The following ZNF92 variants were observed in gnomAD, a reference collection of about 807,000 sequenced individuals.
ZNF92 encodes zinc finger protein 92, also known as epididymis luminal protein 203.
ZNF92 carries 11 observed loss-of-function variants against 12.4 expected under a neutral mutation model. The observed-to-expected ratio is 0.89, with a 90% CI of 0.56 to 1.47. The LOEUF (loss-of-function observed/expected upper bound fraction) is 1.47. ZNF92 is among the 40% of genes most tolerant of loss of function. The pLI is 0.00. For synonymous variants in ZNF92, 206 were observed against 228.6 expected (o/e 0.90, Z 0.89); for missense variants, 622 against 681.0 (o/e 0.91, Z 0.96).
chr7:65,378,131 C>A (rs552887361), intron 1 of ZNF92, among the ~76,000 whole-genome samples: 4 of 151,680 alleles, frequency 2.6e-5, no homozygotes, highest in Non-Finnish European at 5.9e-5. Flanking sequence ...GTGGGCGGAT[C>A]TACTAAAAGT....
intron 1 of ZNF92, among the ~76,000 whole-genome samples, chr7:65,386,815 A>G (rs927150079): frequency 2.0e-5 from 3 of 152,138 alleles, no homozygotes; most frequent in African/African-American, 7.2e-5. Flanking sequence ...TCAGCACATT[A>G]TAAAAATTTG....
intron 1 of ZNF92, among the ~76,000 whole-genome samples, chr7:65,377,367 T>C (rs947719846): frequency 1.3e-5 from 2 of 151,826 alleles, no homozygotes; most frequent in Non-Finnish European, 2.9e-5. Context: ...ACCCCAGCCA[T>C]AGAAGAAGTC....
In ZNF92 at chr7:65,399,232, A is replaced by G; in HGVS notation, c.1118A>G (p.Glu373Gly). 1 of 1,613,402 alleles carries G rather than the reference A, an allele frequency of 6.2e-7. No individual in the cohort carries two copies. The highest frequency in any genetic ancestry group is 8.5e-7 in the Non-Finnish European group (1 of 1,179,750). Residue 373 changes from glutamate to glycine, a missense_variant, in exon 4 of 4, where the codon GAA becomes GGA. Transcript: ENST00000328747. The part of the protein sequence containing the change: ...HTGEKPYKCD[E>G]CGKAFNQSST... ...GGAGAGAAACCCTACAAATGTGATG[A>G]ATGTGGCAAAGCCTTTAACCAGTCC...
At chr7:65,394,863 C>G (rs1173882435) in intron 3 of ZNF92, among the ~76,000 whole-genome samples, 2 of 152,004 alleles carry the variant, frequency 1.3e-5, no homozygotes, top group South Asian at 4.1e-4. Flanking sequence ...CCAGACTGGT[C>G]TCAAACTCCT....
chr7:65,398,682 CAACAT>C lies in ZNF92; in HGVS notation c.571_575del (p.His191GlufsTer5). ...ATTTTGCATGCTTTCACAATTAACT[CAACAT>C]AAGAAAATTCATACTAGAGAGTATT... On this transcript the variant is annotated frameshift_variant, in exon 4 of 4. Transcript: ENST00000328747. LOFTEE classifies it low-confidence loss of function (END_TRUNC). The C allele has an allele frequency of 3.1e-6, 5 of 1,610,884 alleles. No individual in the cohort carries two copies. The highest frequency in any genetic ancestry group is 4.2e-6 in the Non-Finnish European group (5 of 1,178,948).
chr7:65,393,786 G>GTA (rs1445711184), intron 3 of ZNF92, among the ~76,000 whole-genome samples: 3 of 150,958 alleles, frequency 2.0e-5, no homozygotes, highest in East Asian at 2.0e-4. Flanking sequence ...TTTTTCCCAT[G>GTA]TATATATATC....
At chr7:65,376,587 C>T (rs1202960068) in intron 1 of ZNF92, among the ~76,000 whole-genome samples, 1 of 152,048 alleles carries the variant, frequency 6.6e-6, no homozygotes, top group Non-Finnish European at 1.5e-5. Flanking sequence ...GCTGACATTA[C>T]AGGTGCGTGC....
intron 1 of ZNF92, among the ~76,000 whole-genome samples, chr7:65,376,399 C>G (rs1049301998): frequency 6.6e-6 from 1 of 151,840 alleles, no homozygotes; most frequent in Non-Finnish European, 1.5e-5. Flanking sequence ...GCTAAAAATT[C>G]TTTTACCTTT....
chr7:65,389,887 A>G (rs1793665997), intron 3 of ZNF92, among the ~76,000 whole-genome samples: 1 of 151,894 alleles, frequency 6.6e-6, no homozygotes, highest in African/African-American at 2.4e-5. Flanking sequence ...GCTGGAGATC[A>G]GTGGTGCAAT....
chr7:65,384,213 A>C (rs564381938), intron 1 of ZNF92, among the ~76,000 whole-genome samples: 89 of 152,304 alleles, frequency 5.8e-4, no homozygotes, highest in African/African-American at 2.0e-3. Context: ...CAGTGGCTAA[A>C]AAAGATTAAA....
At chr7:65,380,846 T>G (rs1793389014) in intron 1 of ZNF92, among the ~76,000 whole-genome samples, 1 of 152,118 alleles carries the variant, frequency 6.6e-6, no homozygotes, top group Non-Finnish European at 1.5e-5. Context: ...CCTGCAACTT[T>G]GCCAGCACAT....
intron 3 of ZNF92, among the ~76,000 whole-genome samples, chr7:65,394,515 T>C (rs1047858179): frequency 6.6e-6 from 1 of 152,150 alleles, no homozygotes; most frequent in Non-Finnish European, 1.5e-5. Context: ...GGTGTTTGGA[T>C]AGTTATAGAT....
chr7:65,373,856 T>G lies in ZNF92; in HGVS notation c.-142T>G. 9.5e-6 allele frequency: 11 copies of G among 1,162,758 alleles called. No individual in the cohort carries two copies. Among genetic ancestry groups the G allele is most frequent in the Non-Finnish European group, 1.4e-5 (11 of 778,976 alleles). The allele number at this position is 1,162,758 out of a possible 1,614,324, so 72.0% of individuals were successfully genotyped here. A position where few individuals can be genotyped will look rare whatever the true frequency, so the allele number is the denominator to read the frequency against. The stretch of plus-strand genomic sequence containing the variant: ...CTTCCGGGATTTGGCGGGGCCTTTG[T>G]CTCTCGCTGCAGCCGGCGCTCCACG... On this transcript the variant is annotated 5_prime_UTR_variant, in exon 1 of 4. Transcript: ENST00000328747.
Position 65,373,861 on chromosome 7 carries a change from C to G in ZNF92, c.-137C>G, listed in dbSNP as rs552478258. ...GGGATTTGGCGGGGCCTTTGTCTCT[C>G]GCTGCAGCCGGCGCTCCACGTCTAG... On this transcript the variant is annotated 5_prime_UTR_variant, in exon 1 of 4. Transcript: ENST00000328747. 4 of 1,233,056 alleles carry G rather than the reference C, an allele frequency of 3.2e-6. No individual in the cohort carries two copies. Among genetic ancestry groups the G allele is most frequent in the East Asian group, 2.4e-5 (1 of 42,014 alleles). 76.4% of individuals were successfully genotyped at this position (1,233,056 alleles called of 1,614,324 possible).
At chr7:65,393,088 T>G (rs554099906) in intron 3 of ZNF92, among the ~76,000 whole-genome samples, 14 of 152,110 alleles carry the variant, frequency 9.2e-5, no homozygotes, top group Non-Finnish European at 1.9e-4. Flanking sequence ...TTGACTATAT[T>G]CACATCATTA....
Position 65,398,878 on chromosome 7 carries a change from A to G in ZNF92, c.764A>G (p.Lys255Arg). 6.2e-7 allele frequency: 1 copy of G among 1,613,100 alleles called. No homozygotes were observed. Among genetic ancestry groups the G allele is most frequent in the South Asian group, 1.1e-5 (1 of 91,044 alleles). The change falls in exon 4 of 4, where the codon AAA becomes AGA. Residue 255 changes from lysine (K) to arginine (R), a missense_variant. Transcript: ENST00000328747. ...CATAAAATAATTCATACTGGAGAGAAACCCTACAAATGTGAAGAATGTGGC... is the reference window on the plus strand; with the variant it reads ...CATAAAATAATTCATACTGGAGAGAGACCCTACAAATGTGAAGAATGTGGC... Reference protein sequence around the residue: ...TKHKIIHTGEKPYKCEECGKA... With the variant: ...TKHKIIHTGERPYKCEECGKA...
chr7:65,395,195 C>T (rs1793815220), intron 3 of ZNF92, among the ~76,000 whole-genome samples: 1 of 152,008 alleles, frequency 6.6e-6, no homozygotes, highest in South Asian at 2.1e-4. Flanking sequence ...GCTGGGACTA[C>T]AGACATGCAC....
chr7:65,394,647 AG>A (rs1793802824), intron 3 of ZNF92, among the ~76,000 whole-genome samples: 1 of 152,004 alleles, frequency 6.6e-6, no homozygotes, highest in African/African-American at 2.4e-5. Context: ...AACAAAATGA[AG>A]TTTTTTTGTT....
intron 3 of ZNF92, among the ~76,000 whole-genome samples, chr7:65,390,398 G>A (rs3857680): frequency 0.74 from 111,762 of 151,964 alleles, 42,219 homozygotes; most frequent in East Asian, 1. Flanking sequence ...CAGCTCTTCA[G>A]GTTTTTATAA....
Sources: allele counts gnomAD v4.1 joint callset (sites outside exome capture counted in the v4.1 genomes callset), GRCh38; gene constraint gnomAD v4.1.1; transcripts MANE v1.5; gene names NCBI Gene and HGNC (gene_info 2026-07-23, HGNC 2026-07-21).